Variants in LRRFIP1 observed in about 807,000 individuals in gnomAD.
The protein encoded by LRRFIP1 is LRR binding FLII interacting protein 1.
Under a neutral mutation model 104.4 loss-of-function variants are expected in LRRFIP1, and 62 were observed. The observed-to-expected ratio is 0.59, with a 90% CI of 0.48 to 0.73. The LOEUF (loss-of-function observed/expected upper bound fraction) is 0.73. LRRFIP1 is among the 30% of genes least tolerant of loss of function. LRRFIP1 has a pLI of 0.00. For synonymous variants in LRRFIP1, 300 were observed against 299.0 expected, an observed-to-expected ratio of 1.00 and a Z score of -0.03; for missense variants, 796 against 824.5, an observed-to-expected ratio of 0.97 and a Z score of 0.42.
chr2:237,740,556 G>A lies in LRRFIP1; in HGVS notation c.633+1247G>A, dbSNP rs552617732. ...GTTCCTAGTAATCAACCAAGAAGTC[G>A]CAGCGCTGAGACCTCCTGCTTGCGT... On this transcript the variant is annotated intron_variant, in intron 11 of 23. Coordinates refer to ENST00000308482, the MANE Select transcript of LRRFIP1 (RefSeq NM_001137550.2). Among the ~76,000 whole-genome samples, 18 of 152,258 alleles carry A rather than the reference G, an allele frequency of 1.2e-4. No individual in the cohort carries two copies. The East Asian group carries it at 1.5e-3, about 13-fold the overall frequency.
chr2:237,678,066 AAGG>A (rs1171640107), intron 1 of LRRFIP1, among the ~76,000 whole-genome samples: 1 of 152,122 alleles, frequency 6.6e-6, no homozygotes, highest in African/African-American at 2.4e-5. Flanking sequence ...CTTTGCCAAA[AAGG>A]AGAAGTTCAT....
intron 19 of LRRFIP1, chr2:237,762,686 C>T (rs760132820): frequency 6.2e-7 from 1 of 1,614,116 alleles, no homozygotes; most frequent in East Asian, 2.2e-5. Flanking sequence ...TGAGAAAGAA[C>T]AACACACAGA....
At chr2:237,652,585 G>T (rs537903369) in intron 1 of LRRFIP1, among the ~76,000 whole-genome samples, 21 of 152,200 alleles carry the variant, frequency 1.4e-4, no homozygotes, top group Non-Finnish European at 2.6e-4. Context: ...TTGTACTTCT[G>T]AGTGTTCACC....
At chr2:237,738,081 G>A (rs2095306565) in intron 10 of LRRFIP1, among the ~76,000 whole-genome samples, 2 of 152,116 alleles carry the variant, frequency 1.3e-5, no homozygotes, top group Non-Finnish European at 2.9e-5. Flanking sequence ...ACTAAGAGAT[G>A]GTATTTGACA....
At position 237,647,157 on chromosome 2, in the gene LRRFIP1, T is replaced by G. The variant is rs2085058035; in HGVS notation, c.96+19417T>G. Among the ~76,000 whole-genome samples, 2 of 151,988 alleles carry G rather than the reference T, an allele frequency of 1.3e-5. 1 individual carries two copies. The highest frequency in any genetic ancestry group is 4.1e-4 in the South Asian group (2 of 4,824). ...TGTTAGCATCTGAAACCCTTTGTGT[T>G]GGGCAGGATAGGCCAAGTCTGATGC... On this transcript the variant is annotated intron_variant, in intron 1 of 23. Transcript: ENST00000308482.
intron 1 of LRRFIP1, among the ~76,000 whole-genome samples, chr2:237,637,032 G>A (rs1439809141): frequency 6.6e-6 from 1 of 152,176 alleles, no homozygotes; most frequent in Non-Finnish European, 1.5e-5. Flanking sequence ...GGGAAGAACG[G>A]CTAACCTCTA....
intron 6 of LRRFIP1, among the ~76,000 whole-genome samples, chr2:237,722,723 C>T (rs919235045): frequency 6.6e-6 from 1 of 152,108 alleles, no homozygotes; most frequent in Non-Finnish European, 1.5e-5. Context: ...AGAGTCAAAC[C>T]TCCTAATGTT....
At chr2:237,742,599 G>A (rs139742145) in intron 11 of LRRFIP1, among the ~76,000 whole-genome samples, 1 of 152,336 alleles carries the variant, frequency 6.6e-6, no homozygotes, top group East Asian at 1.9e-4. Context: ...AAAACTCATG[G>A]TCCTCTTATA....
chr2:237,680,882 G>A (rs1312110612), intron 1 of LRRFIP1, among the ~76,000 whole-genome samples: 1 of 152,172 alleles, frequency 6.6e-6, no homozygotes, highest in Non-Finnish European at 1.5e-5. Flanking sequence ...TCCAGAGGCT[G>A]AGATGGGAGG....
At chr2:237,671,031 A>C (rs189971507) in intron 1 of LRRFIP1, among the ~76,000 whole-genome samples, 112 of 152,326 alleles carry the variant, frequency 7.4e-4, no homozygotes, top group African/African-American at 2.6e-3. Flanking sequence ...GTTCCATTCC[A>C]TCCCTCGCAT....
intron 4 of LRRFIP1, among the ~76,000 whole-genome samples, chr2:237,718,216 G>A (rs2094414662): frequency 6.6e-6 from 1 of 152,270 alleles, no homozygotes; most frequent in Admixed American, 6.5e-5. Flanking sequence ...CCAGGCTGTG[G>A]TTGGAACCTG....
intron 1 of LRRFIP1, among the ~76,000 whole-genome samples, chr2:237,642,452 G>C (rs1159807586): frequency 6.6e-6 from 1 of 152,086 alleles, no homozygotes; most frequent in Admixed American, 6.5e-5. Flanking sequence ...CAGGCTCCAG[G>C]CTCCAGGTTC....
At chr2:237,704,235 C>G (rs2093693314) in intron 1 of LRRFIP1, among the ~76,000 whole-genome samples, 1 of 151,686 alleles carries the variant, frequency 6.6e-6, no homozygotes, top group South Asian at 2.1e-4. Flanking sequence ...TCACCGCAAC[C>G]TCCACCTCCC....
chr2:237,744,750 C>T (rs116467172), intron 11 of LRRFIP1, among the ~76,000 whole-genome samples: 2,738 of 152,354 alleles, frequency 0.018, 36 homozygotes, highest in Middle Eastern at 0.095. Context: ...TTCACCCTGA[C>T]CTGAAATGTT....
At chr2:237,692,356 T>C (rs922453997) in intron 1 of LRRFIP1, 1 of 1,285,830 alleles carries the variant, frequency 7.8e-7, no homozygotes, top group Non-Finnish European at 9.9e-7. Context: ...TGGCTCCGTC[T>C]CCGCGGACAG....
intron 1 of LRRFIP1, among the ~76,000 whole-genome samples, chr2:237,685,790 C>T (rs188248617): frequency 5.9e-5 from 9 of 152,272 alleles, no homozygotes; most frequent in African/African-American, 1.2e-4. Context: ...CCTTAAAAAC[C>T]GACAAACCAT....
At chr2:237,707,457 A>G (rs1056033717) in intron 1 of LRRFIP1, among the ~76,000 whole-genome samples, 42 of 147,628 alleles carry the variant, frequency 2.8e-4, no homozygotes, top group African/African-American at 1.1e-3. Flanking sequence ...CCCCAAAGGA[A>G]AAAGAAAAAA....
intron 20 of LRRFIP1, 43 bp downstream of exon 20, chr2:237,770,035 C>T: frequency 7.0e-7 from 1 of 1,434,878 alleles, no homozygotes. Context: ...GAACAGGGCA[C>T]CTGAAACCAC....
intron 8 of LRRFIP1, among the ~76,000 whole-genome samples, chr2:237,730,209 T>C (rs1350078136): frequency 6.6e-6 from 1 of 152,176 alleles, no homozygotes; most frequent in Non-Finnish European, 1.5e-5. Context: ...CTTTGAAGAG[T>C]ACATGCAAAC....
Sources: allele counts gnomAD v4.1 joint callset (sites outside exome capture counted in the v4.1 genomes callset), GRCh38; gene constraint gnomAD v4.1.1; transcripts MANE v1.5; gene names NCBI Gene and HGNC (gene_info 2026-07-23, HGNC 2026-07-21).